The following ATAD2B variants were observed in gnomAD, a reference collection of about 807,000 sequenced individuals.
The protein encoded by ATAD2B is ATPase family AAA domain-containing protein 2B.
Under a neutral mutation model 167.6 loss-of-function variants are expected in ATAD2B, and 40 were observed. The observed-to-expected ratio is 0.24, with a 90% CI of 0.19 to 0.31. The LOEUF (loss-of-function observed/expected upper bound fraction) is 0.31. Ranked by LOEUF, ATAD2B falls within the 10% of genes least tolerant of loss-of-function variation. The probability of loss-of-function intolerance (pLI) is 1.00; values close to 1 mark genes in which losing one functional copy is unlikely to be tolerated. For missense variants in ATAD2B, 1,242 were observed against 1,757.2 expected (o/e 0.71, Z 5.24); for synonymous variants, 579 against 596.5 (o/e 0.97, Z 0.43).
intron 1 of ATAD2B, among the ~76,000 whole-genome samples, chr2:23,906,342 A>G (rs1469032855): frequency 6.6e-6 from 1 of 151,354 alleles, no homozygotes; most frequent in Non-Finnish European, 1.5e-5. Context: ...CTCCGTCTCA[A>G]AAAAAAAAGA....
At chr2:23,895,628 C>T (rs1302378040) in intron 2 of ATAD2B, among the ~76,000 whole-genome samples, 191 bp downstream of exon 2, 1 of 151,980 alleles carries the variant, frequency 6.6e-6, no homozygotes, top group Non-Finnish European at 1.5e-5. Context: ...CTATTACATA[C>T]CATGTATCTT....
chr2:23,765,963 T>C (rs1677353425), intron 22 of ATAD2B, among the ~76,000 whole-genome samples: 1 of 152,174 alleles, frequency 6.6e-6, no homozygotes, highest in African/African-American at 2.4e-5. Context: ...ATTTAGAGGA[T>C]ATTCACCAAA....
chr2:23,836,745 T>G (rs1690044727), intron 13 of ATAD2B, among the ~76,000 whole-genome samples: 1 of 152,086 alleles, frequency 6.6e-6, no homozygotes, highest in Non-Finnish European at 1.5e-5. Flanking sequence ...TCCTGACATC[T>G]GCAGCTCTCA....
At chr2:23,832,091 C>A in intron 14 of ATAD2B, 1 of 348,074 alleles carries the variant, frequency 2.9e-6, no homozygotes, top group Non-Finnish European at 6.0e-6. Flanking sequence ...GACGAATTTT[C>A]TGTGCTTAGC....
chr2:23,773,523 C>A (rs557076089), intron 22 of ATAD2B, among the ~76,000 whole-genome samples: 1 of 151,678 alleles, frequency 6.6e-6, no homozygotes, highest in Admixed American at 6.6e-5. Context: ...CCCCCTCTTG[C>A]GGGAGGGAAA....
chr2:23,680,933 G>A, the ATAD2B span, among the ~76,000 whole-genome samples: 1 of 152,210 alleles, frequency 6.6e-6, no homozygotes, highest in Non-Finnish European at 1.5e-5. This position sits in a 1 kb window ranked among gnomAD's most constrained non-coding sequence, Gnocchi z 4.1. Flanking sequence ...TCCCACACCT[G>A]AGAATAGGCC....
At chr2:23,794,497 G>A (rs907161220) in intron 19 of ATAD2B, among the ~76,000 whole-genome samples, 15 of 152,108 alleles carry the variant, frequency 9.9e-5, no homozygotes, top group African/African-American at 3.6e-4. Context: ...AAAGTCTTGG[G>A]GGCTCCTCAG....
intron 19 of ATAD2B, among the ~76,000 whole-genome samples, chr2:23,796,391 C>T (rs1160084164): frequency 6.6e-6 from 1 of 152,090 alleles, no homozygotes; most frequent in Non-Finnish European, 1.5e-5. Context: ...AACAGTATAA[C>T]ATTGGAAATG....
At chr2:23,853,729 AGAT>A (rs1692923017) in intron 13 of ATAD2B, among the ~76,000 whole-genome samples, 1 of 152,252 alleles carries the variant, frequency 6.6e-6, no homozygotes, top group Admixed American at 6.5e-5. Flanking sequence ...GAAAGATAAT[AGAT>A]GACTACAACA....
intron 2 of ATAD2B, 123 bp downstream of exon 2, chr2:23,895,696 C>A (rs1298023164): frequency 2.3e-5 from 14 of 603,912 alleles, no homozygotes; most frequent in South Asian, 4.3e-5. Context: ...AAGTTTAATA[C>A]AATTTACTTA....
the ATAD2B span, among the ~76,000 whole-genome samples, chr2:23,737,331 T>G: frequency 1.3e-5 from 2 of 152,126 alleles, no homozygotes; most frequent in Non-Finnish European, 2.9e-5. Context: ...CACGGCTTGA[T>G]ACTCCTCTGA....
intron 7 of ATAD2B, among the ~76,000 whole-genome samples, chr2:23,877,275 C>T (rs1697011991): frequency 6.6e-6 from 1 of 150,928 alleles, no homozygotes; most frequent in Admixed American, 6.6e-5. Flanking sequence ...CACTTAAGGT[C>T]AGGAGTTCGA....
At chr2:23,878,024 A>AAAAAAAAAAAAAAAAAAG (rs1697234353) in intron 7 of ATAD2B, among the ~76,000 whole-genome samples, 3 of 143,620 alleles carry the variant, frequency 2.1e-5, no homozygotes, top group Admixed American at 1.4e-4. Flanking sequence ...GAAAAAAAAA[A>AAAAAAAAAAAAAAAAAAG]AAAAAAAAAA....
intron 3 of ATAD2B, 48 bp from the exon 4 acceptor site, chr2:23,888,033 A>T: frequency 2.2e-6 from 3 of 1,381,986 alleles, no homozygotes; most frequent in Non-Finnish European, 2.8e-6. Context: ...ATACAGAAAG[A>T]CAGAAAAGAA....
At chr2:23,906,885 G>C (rs10193676) in intron 1 of ATAD2B, among the ~76,000 whole-genome samples, 1,608 of 151,702 alleles carry the variant, frequency 0.011, 27 homozygotes, top group African/African-American at 0.037. Context: ...TATCTCAATA[G>C]ATGCAGAAAA....
At chr2:23,916,811 T>G (rs757958425) in intron 1 of ATAD2B, among the ~76,000 whole-genome samples, 1 of 152,164 alleles carries the variant, frequency 6.6e-6, no homozygotes, top group South Asian at 2.1e-4. Flanking sequence ...GAAGTGAGCC[T>G]GGAAACAGCA....
chr2:23,878,040 G>GAAAAAAAAAAAAAAC (rs1697276173), intron 7 of ATAD2B, among the ~76,000 whole-genome samples: 2 of 49,934 alleles, frequency 4.0e-5, no homozygotes, highest in East Asian at 6.7e-4. Context: ...AAAAAAAAAA[G>GAAAAAAAAAAAAAAC]CAAAATGTAT....
intron 1 of ATAD2B, among the ~76,000 whole-genome samples, chr2:23,904,231 G>A (rs1701199858): frequency 6.6e-6 from 1 of 152,118 alleles, no homozygotes; most frequent in African/African-American, 2.4e-5. Flanking sequence ...CCTAATTAAT[G>A]GGGATAAGCA....
chr2:23,917,940 C>G lies in ATAD2B; in HGVS notation c.216+8615G>C, dbSNP rs141091174. ...AGGCATGGTGACGCAAGCCTGTAATCGCAGCTACTCGGGAGGCTGAGGCAG... is the reference window on the plus strand; with the variant it reads ...AGGCATGGTGACGCAAGCCTGTAATGGCAGCTACTCGGGAGGCTGAGGCAG... On this transcript the variant is annotated intron_variant, in intron 1 of 27. Transcript: ENST00000238789. 4.6e-5 allele frequency among the ~76,000 whole-genome samples: 7 copies of G among 152,028 alleles called. No individual in the cohort carries two copies. The South Asian group carries it at 1.5e-3, about 32-fold the overall frequency.
Sources: gnomAD v4.1 joint callset for allele counts (sites outside exome capture counted in the v4.1 genomes callset) on GRCh38, gnomAD v4.1.1 for gene constraint, Gnocchi (gnomAD v3.1) non-coding constraint, MANE v1.5 for transcripts, NCBI Gene and HGNC (gene_info 2026-07-23, HGNC 2026-07-21) for gene names.